The following SYT1 variants were observed in gnomAD, a reference collection of about 807,000 sequenced individuals.
SYT1 encodes synaptotagmin-1.
SYT1 carries 8 observed loss-of-function variants against 44.8 expected under a neutral mutation model. That is an observed-to-expected ratio of 0.18 (90% confidence interval 0.10 to 0.32). SYT1 has a LOEUF of 0.32. Among genes scored for constraint, SYT1 ranks in the 10% least tolerant of loss-of-function variants. SYT1 has a pLI of 1.00. For synonymous variants in SYT1, 154 were observed against 188.8 expected (o/e 0.82, Z 1.51); for missense variants, 286 against 509.3 (o/e 0.56, Z 4.22).
At chr12:79,133,598 A>G (rs1399754213) in intron 3 of SYT1, among the ~76,000 whole-genome samples, 1 of 152,188 alleles carries the variant, frequency 6.6e-6, no homozygotes, top group African/African-American at 2.4e-5. Context: ...TGCTACCTCT[A>G]ATGATGAGAT....
chr12:79,215,842 T>G (rs1874755329), intron 3 of SYT1, among the ~76,000 whole-genome samples: 1 of 152,032 alleles, frequency 6.6e-6, no homozygotes, highest in Non-Finnish European at 1.5e-5. Context: ...GCATCTGAGA[T>G]TATTCTATTT....
At chr12:79,217,983 T>C (rs1874918390) in intron 4 of SYT1, among the ~76,000 whole-genome samples, 1 of 152,188 alleles carries the variant, frequency 6.6e-6, no homozygotes, top group East Asian at 1.9e-4. Flanking sequence ...TATTAATGTT[T>C]ATGGGTTCTG....
intron 3 of SYT1, among the ~76,000 whole-genome samples, chr12:79,190,241 A>C (rs140026187): frequency 6.6e-6 from 1 of 152,314 alleles, no homozygotes; most frequent in Non-Finnish European, 1.5e-5. Flanking sequence ...AAATCCATAA[A>C]GTCAAAGAGA....
At chr12:79,173,949 G>A (rs1673881592) in intron 3 of SYT1, among the ~76,000 whole-genome samples, 1 of 152,028 alleles carries the variant, frequency 6.6e-6, no homozygotes, top group South Asian at 2.1e-4. Flanking sequence ...TAGATGTTGT[G>A]GAGTTCAGGC....
chr12:79,047,719 T>C lies in SYT1; in HGVS notation c.-18+357T>C, dbSNP rs76214146. Among the ~76,000 whole-genome samples the C allele has an allele frequency of 3.2e-4, 49 of 152,038 alleles. No homozygotes were observed. The East Asian group carries it at 9.3e-3, about 29-fold the overall frequency. ...TCCATATGTGATAAAAAGTTTTTAC[T>C]TATTTTGAACAAAATTTTAAATACT... On this transcript the variant is annotated intron_variant, in intron 3 of 10. Transcript: ENST00000261205.
At chr12:79,127,207 G>T (rs1489576152) in intron 3 of SYT1, among the ~76,000 whole-genome samples, 3 of 152,250 alleles carry the variant, frequency 2.0e-5, no homozygotes, top group Admixed American at 6.5e-5. Context: ...GCTCATCAGA[G>T]TGTTCCTCCC....
intron 3 of SYT1, among the ~76,000 whole-genome samples, chr12:79,215,093 G>GT (rs1874703948): frequency 6.6e-6 from 1 of 152,090 alleles, no homozygotes. Flanking sequence ...GTTTTCCAGG[G>GT]AGATGAGCTC....
Position 78,995,722 on chromosome 12 carries a change from G to A in SYT1, c.-84+17791G>A, listed in dbSNP as rs369162213. The A allele has an allele frequency of 1.1e-4, 16 of 152,252 alleles. 1 individual carries two copies. Among genetic ancestry groups the A allele is most frequent in the East Asian group, 5.8e-4 (3 of 5,182 alleles). 9.4% of individuals were successfully genotyped at this position (152,252 alleles called of 1,614,324 possible). A position where few individuals can be genotyped will look rare whatever the true frequency, so the allele number is the denominator to read the frequency against. On this transcript the variant is annotated intron_variant, in intron 2 of 10. Coordinates refer to ENST00000261205, the MANE Select transcript of SYT1 (RefSeq NM_005639.3). Reference sequence around the variant, plus strand: ...CTGTTGGTTCCCCAAGGTAGATTATGCTGGGAAAATCTAATGGAGGATTTT... The same window carrying A: ...CTGTTGGTTCCCCAAGGTAGATTATACTGGGAAAATCTAATGGAGGATTTT...
intron 3 of SYT1, among the ~76,000 whole-genome samples, chr12:79,191,616 C>A: frequency 6.6e-6 from 1 of 152,160 alleles, no homozygotes; most frequent in South Asian, 2.1e-4. Context: ...TTCATTATGC[C>A]AGGATGACTA....
chr12:79,320,209 G>A (rs1881288296), intron 8 of SYT1, among the ~76,000 whole-genome samples: 1 of 152,226 alleles, frequency 6.6e-6, no homozygotes, highest in Admixed American at 6.5e-5. Flanking sequence ...ACTGCGATGT[G>A]AACTGCAGCA....
At chr12:79,403,068 A>G (rs900043402) in intron 9 of SYT1, among the ~76,000 whole-genome samples, 1 of 152,252 alleles carries the variant, frequency 6.6e-6, no homozygotes, top group Non-Finnish European at 1.5e-5. Flanking sequence ...ATAAATGATA[A>G]TAAGTCATTA....
At position 79,273,040 on chromosome 12, in the gene SYT1, C is replaced by G. The variant is rs117972351; in HGVS notation, c.167-12747C>G. On this transcript the variant is annotated intron_variant, in intron 4 of 10. Coordinates refer to ENST00000261205, the MANE Select transcript of SYT1 (RefSeq NM_005639.3). ...AGAAGAAAAGACAGTTTTTTACCCCCAAGATAGCGGATTGGAGCCTTTGTT... is the reference window on the plus strand; with the variant it reads ...AGAAGAAAAGACAGTTTTTTACCCCGAAGATAGCGGATTGGAGCCTTTGTT... Among the ~76,000 whole-genome samples the G allele has an allele frequency of 8.4e-3, 1,270 of 151,716 alleles. 5 individuals are homozygous for G. Among genetic ancestry groups the G allele is most frequent in the Non-Finnish European group, 0.013 (856 of 67,950 alleles).
At chr12:79,141,830 G>A (rs1056581358) in intron 3 of SYT1, among the ~76,000 whole-genome samples, 9 of 152,064 alleles carry the variant, frequency 5.9e-5, no homozygotes, top group Admixed American at 2.0e-4. Context: ...TCTAAGAAAC[G>A]TCATAGGGCC....
intron 3 of SYT1, among the ~76,000 whole-genome samples, chr12:79,133,365 C>CA (rs1228980508): frequency 6.6e-6 from 1 of 151,970 alleles, no homozygotes; most frequent in African/African-American, 2.4e-5. Context: ...GCCTGGGTGT[C>CA]AGAGTGAGAC....
intron 1 of SYT1, among the ~76,000 whole-genome samples, chr12:78,967,250 T>C (rs1190264471): frequency 6.6e-6 from 1 of 152,148 alleles, no homozygotes; most frequent in Non-Finnish European, 1.5e-5. Context: ...TACAATCAAC[T>C]GTAGTATTTG....
chr12:79,058,265 C>A (rs1296655698), intron 3 of SYT1, among the ~76,000 whole-genome samples: 1 of 152,010 alleles, frequency 6.6e-6, no homozygotes, highest in Non-Finnish European at 1.5e-5. Context: ...CCTGTGAAAA[C>A]CCACAGCTTA....
chr12:79,320,475 C>G (rs1361904180), intron 8 of SYT1, among the ~76,000 whole-genome samples: 2 of 152,004 alleles, frequency 1.3e-5, no homozygotes, highest in Non-Finnish European at 2.9e-5. Context: ...TATAACTTAG[C>G]TAAATTTTTG....
intron 2 of SYT1, among the ~76,000 whole-genome samples, chr12:79,007,334 C>T (rs982284733): frequency 6.6e-6 from 1 of 151,946 alleles, no homozygotes; most frequent in Non-Finnish European, 1.5e-5. Context: ...TTAGTTTATT[C>T]GGGTATTTAA....
At chr12:78,923,626 T>C (rs1877130876) in intron 1 of SYT1, among the ~76,000 whole-genome samples, 2 of 151,886 alleles carry the variant, frequency 1.3e-5, no homozygotes, top group African/African-American at 4.8e-5. Flanking sequence ...GTACAAAGAA[T>C]AACTGCATGA....
Sources: gnomAD v4.1 joint callset for allele counts (sites outside exome capture counted in the v4.1 genomes callset) on GRCh38, gnomAD v4.1.1 for gene constraint, MANE v1.5 for transcripts, NCBI Gene and HGNC (gene_info 2026-07-23, HGNC 2026-07-21) for gene names.